DCC: variants seen among roughly 807,000 people sequenced by gnomAD.
DCC encodes DCC netrin 1 receptor.
Under a neutral mutation model 172.5 loss-of-function variants are expected in DCC, and 58 were observed. That is an observed-to-expected ratio of 0.34 (90% CI 0.27 to 0.42). The LOEUF is 0.42. DCC is among the 10% of genes least tolerant of loss of function. The probability of loss-of-function intolerance (pLI) is 1.00; values close to 1 mark genes in which losing one functional copy is unlikely to be tolerated. For missense variants in DCC, 1,740 were observed against 1,791.0 expected, an observed-to-expected ratio of 0.97 and a Z score of 0.51; for synonymous variants, 709 against 644.5, an observed-to-expected ratio of 1.10 and a Z score of -1.52.
chr18:52,794,847 G>A (rs1465476872), intron 2 of DCC, among the ~76,000 whole-genome samples: 1 of 151,900 alleles, frequency 6.6e-6, no homozygotes, highest in Non-Finnish European at 1.5e-5. Flanking sequence ...GTCATGAAGA[G>A]GTATTGAATT....
intron 2 of DCC, among the ~76,000 whole-genome samples, chr18:52,882,340 A>T (rs1367370915): frequency 6.6e-6 from 1 of 151,758 alleles, no homozygotes; most frequent in East Asian, 1.9e-4. Flanking sequence ...TTTGGTTTGG[A>T]CTTGCCTTTT....
intron 21 of DCC, among the ~76,000 whole-genome samples, chr18:53,424,436 C>A (rs540340268): frequency 6.6e-6 from 1 of 152,132 alleles, no homozygotes; most frequent in African/African-American, 2.4e-5. Flanking sequence ...TTTCAAGAAG[C>A]TTGCAATATA....
intron 5 of DCC, among the ~76,000 whole-genome samples, chr18:52,957,083 G>T (rs561717200): frequency 6.6e-6 from 1 of 152,036 alleles, no homozygotes; most frequent in Non-Finnish European, 1.5e-5. Context: ...CTGAAACTTC[G>T]ATAGAAAGAA....
rs746684278 is a variant in DCC at position 53,530,646 on chromosome 18, C to T, written c.4337C>T (p.Ala1446Val). ...CAGCTTAATGCCATCACAGGCTCAG[C>T]CTTTTAACATGTATTTCTGAATGGA... is the stretch of plus-strand genomic sequence containing the variant. Reference protein sequence around the residue: ...MKQLNAITGSAF With the variant: ...MKQLNAITGSVF Residue 1446 changes from alanine to valine, a missense_variant, in exon 29 of 29, where the codon GCC (alanine) becomes GTC (valine). Physicochemically the swap from Ala to Val is moderately conservative, Grantham distance 64. This residue lies in a region of DCC where 8 missense variants were observed against 23.6 expected (regional missense o/e 0.34). Coordinates refer to ENST00000442544, the MANE Select transcript of DCC (RefSeq NM_005215.4). 1 of 1,574,232 alleles carries T rather than the reference C, an allele frequency of 6.4e-7. No homozygotes were observed. Among genetic ancestry groups the T allele is most frequent in the Admixed American group, 1.7e-5 (1 of 59,956 alleles).
At chr18:53,000,974 C>T (rs900135623) in intron 5 of DCC, among the ~76,000 whole-genome samples, 1 of 151,878 alleles carries the variant, frequency 6.6e-6, no homozygotes. Flanking sequence ...GTGTGATAGG[C>T]GTGAGGATGT....
intron 2 of DCC, among the ~76,000 whole-genome samples, chr18:52,773,504 A>ATCTC (rs1244838129): frequency 4.6e-4 from 46 of 100,708 alleles, no homozygotes; most frequent in African/African-American, 1.1e-3. Context: ...ATATCTCTAT[A>ATCTC]TATCTATATC....
intron 1 of DCC, among the ~76,000 whole-genome samples, chr18:52,493,771 A>C (rs1598861649): frequency 6.6e-6 from 1 of 152,194 alleles, no homozygotes; most frequent in African/African-American, 2.4e-5. Context: ...ATTTATTACA[A>C]TCACATTGAA....
At chr18:53,133,917 A>G (rs1012924570) in intron 7 of DCC, among the ~76,000 whole-genome samples, 1 of 152,206 alleles carries the variant, frequency 6.6e-6, no homozygotes, top group African/African-American at 2.4e-5. Context: ...GGAATTAAGA[A>G]TGCATGTCAG....
chr18:52,990,625 T>A (rs2041374241), intron 5 of DCC, among the ~76,000 whole-genome samples: 1 of 151,454 alleles, frequency 6.6e-6, no homozygotes, highest in Non-Finnish European at 1.5e-5. Flanking sequence ...ATAAATAAAT[T>A]ATCAGTTTTT....
chr18:52,865,617 T>A (rs2039214099), intron 2 of DCC, among the ~76,000 whole-genome samples: 1 of 152,158 alleles, frequency 6.6e-6, no homozygotes, highest in Non-Finnish European at 1.5e-5. Flanking sequence ...TGAGCTTTTT[T>A]TTTTTTATGT....
chr18:52,700,375 ACACATGCACACTCATG>A (rs2036102602), intron 1 of DCC, among the ~76,000 whole-genome samples: 3 of 150,638 alleles, frequency 2.0e-5, no homozygotes, highest in Non-Finnish European at 4.4e-5. Flanking sequence ...ACACATGCAC[ACACATGCACACTCATG>A]CACATGCACA....
chr18:52,555,089 A>C (rs2032877324), intron 1 of DCC, among the ~76,000 whole-genome samples: 2 of 152,086 alleles, frequency 1.3e-5, no homozygotes, highest in Non-Finnish European at 2.9e-5. Flanking sequence ...AACTTTATGG[A>C]GGAAACTATT....
intron 1 of DCC, among the ~76,000 whole-genome samples, chr18:52,461,201 G>C (rs1019046801): frequency 5.9e-5 from 9 of 152,130 alleles, no homozygotes; most frequent in Admixed American, 5.9e-4. Context: ...ACACACATTA[G>C]GCTAGGCCTA....
chr18:53,079,837 G>C (rs775946241), intron 7 of DCC, among the ~76,000 whole-genome samples: 1 of 152,130 alleles, frequency 6.6e-6, no homozygotes, highest in Non-Finnish European at 1.5e-5. Flanking sequence ...TGGGAGCATA[G>C]AGCAGAAGCA....
rs534698822 is a variant in DCC, at chr18:53,157,329, T to G, written c.1262-27T>G. Reference sequence around the variant, plus strand: ...TTCTTACCTATGGCAGCGACACCTCTGATAGCCTCCTCTTCTTTCTCCTTA... The same window carrying G: ...TTCTTACCTATGGCAGCGACACCTCGGATAGCCTCCTCTTCTTTCTCCTTA... On this transcript the variant is annotated intron_variant, in intron 7 of 28. Coordinates refer to ENST00000442544, the MANE Select transcript of DCC (RefSeq NM_005215.4). 1.2e-5 allele frequency: 20 copies of G among 1,613,836 alleles called. No homozygotes were observed. The East Asian group carries it at 4.2e-4, about 34-fold the overall frequency.
chr18:53,056,310 C>T (rs1476722186), intron 5 of DCC, among the ~76,000 whole-genome samples: 1 of 152,032 alleles, frequency 6.6e-6, no homozygotes, highest in East Asian at 1.9e-4. Context: ...GGGGGAACTG[C>T]CCCTATGATC....
At chr18:53,341,024 T>A (rs72927214) in intron 15 of DCC, among the ~76,000 whole-genome samples, 13,993 of 152,272 alleles carry the variant, frequency 0.092, 827 homozygotes, top group East Asian at 0.21. Context: ...AAACACCTAC[T>A]GGAAATCTCC....
At chr18:52,406,726 A>T (rs1450450396) in intron 1 of DCC, among the ~76,000 whole-genome samples, 1 of 152,064 alleles carries the variant, frequency 6.6e-6, no homozygotes, top group East Asian at 1.9e-4. Context: ...AAATTAAAAC[A>T]AAACAAATGT....
intron 14 of DCC, among the ~76,000 whole-genome samples, chr18:53,335,853 C>CA (rs1268988918): frequency 2.0e-5 from 3 of 152,122 alleles, no homozygotes; most frequent in Non-Finnish European, 4.4e-5. Context: ...AGGCACATCT[C>CA]ACATGGCGGC....
Sources: allele counts gnomAD v4.1 joint callset (sites outside exome capture counted in the v4.1 genomes callset), GRCh38; gene constraint gnomAD v4.1.1; regional missense constraint gnomAD v4.1.1; transcripts MANE v1.5; gene names NCBI Gene and HGNC (gene_info 2026-07-23, HGNC 2026-07-21).